Variants in CDKAL1 observed in about 807,000 individuals in gnomAD.
CDKAL1 encodes the protein threonylcarbamoyladenosine tRNA methylthiotransferase.
In CDKAL1, 32 loss-of-function variants were observed where a neutral mutation model predicts 68.2. The ratio of observed to expected loss-of-function variants is 0.47; its 90% CI spans 0.35 to 0.63. CDKAL1 has a LOEUF of 0.63. Among genes scored for constraint, CDKAL1 ranks in the 30% least tolerant of loss-of-function variants. The pLI, the probability that CDKAL1 is intolerant of heterozygous loss-of-function variation, is 0.00. For synonymous variants in CDKAL1, 234 were observed against 244.3 expected (o/e 0.96, Z 0.39); for missense variants, 606 against 696.7 (o/e 0.87, Z 1.47).
At chr6:20,892,568 C>T (rs960814103) in intron 9 of CDKAL1, among the ~76,000 whole-genome samples, 4 of 151,900 alleles carry the variant, frequency 2.6e-5, no homozygotes, top group East Asian at 1.9e-4. Context: ...TGAATTATAC[C>T]GTATTGTATA....
chr6:21,183,141 T>G (rs1438925294), intron 13 of CDKAL1, among the ~76,000 whole-genome samples: 3 of 152,202 alleles, frequency 2.0e-5, no homozygotes, highest in East Asian at 3.9e-4. Context: ...CTCTAGGTTT[T>G]TTTTTTTTTT....
intron 4 of CDKAL1, among the ~76,000 whole-genome samples, chr6:20,565,205 A>G (rs4712506): frequency 0.24 from 35,735 of 152,052 alleles, 5,118 homozygotes; most frequent in East Asian, 0.53. Flanking sequence ...GAAAAAGCAC[A>G]AGACAGTTCC....
chr6:21,134,236 A>G (rs909610924), intron 13 of CDKAL1, among the ~76,000 whole-genome samples: 3 of 152,194 alleles, frequency 2.0e-5, no homozygotes, highest in Non-Finnish European at 2.9e-5. Context: ...CAGGAGCTCA[A>G]ATTCGGTTTT....
chr6:20,573,047 T>C (rs556105288), intron 4 of CDKAL1, among the ~76,000 whole-genome samples: 1 of 152,320 alleles, frequency 6.6e-6, no homozygotes, highest in South Asian at 2.1e-4. Flanking sequence ...CATTTAAGTA[T>C]TAAATTAGCT....
intron 4 of CDKAL1, among the ~76,000 whole-genome samples, chr6:20,602,837 C>T (rs1207572516): frequency 6.6e-6 from 1 of 152,152 alleles, no homozygotes; most frequent in Non-Finnish European, 1.5e-5. Flanking sequence ...CCTCTAATTC[C>T]TTTTAACCAT....
At chr6:20,712,151 C>G (rs984993955) in intron 5 of CDKAL1, among the ~76,000 whole-genome samples, 1 of 152,028 alleles carries the variant, frequency 6.6e-6, no homozygotes. Flanking sequence ...AAGTGATGAG[C>G]TAATCATCTT....
chr6:20,735,497 C>G (rs1424818009), intron 5 of CDKAL1, among the ~76,000 whole-genome samples: 1 of 152,050 alleles, frequency 6.6e-6, no homozygotes, highest in Non-Finnish European at 1.5e-5. Context: ...GAAACGACTC[C>G]TATGATTCAG....
At chr6:20,822,755 C>T (rs1777339379) in intron 8 of CDKAL1, among the ~76,000 whole-genome samples, 1 of 152,188 alleles carries the variant, frequency 6.6e-6, no homozygotes, top group African/African-American at 2.4e-5. Context: ...CAGCCCTTCT[C>T]CTTCCTGCTG....
intron 9 of CDKAL1, among the ~76,000 whole-genome samples, chr6:20,947,159 G>A (rs1048372956): frequency 2.0e-5 from 3 of 152,090 alleles, no homozygotes; most frequent in African/African-American, 7.2e-5. Context: ...CTATATACCT[G>A]ATATACCTTC....
intron 8 of CDKAL1, among the ~76,000 whole-genome samples, chr6:20,825,126 C>CT (rs11404073): frequency 0.31 from 46,892 of 151,942 alleles, 7,553 homozygotes; most frequent in East Asian, 0.53. Flanking sequence ...ATCTTTAACT[C>CT]TTCCCTTACA....
At chr6:21,008,257 A>T (rs1767834999) in intron 11 of CDKAL1, among the ~76,000 whole-genome samples, 1 of 152,186 alleles carries the variant, frequency 6.6e-6, no homozygotes, top group Non-Finnish European at 1.5e-5. Context: ...GGGAGTAATC[A>T]GCATTTGAGT....
At chr6:20,864,104 C>T (rs1759781996) in intron 9 of CDKAL1, among the ~76,000 whole-genome samples, 1 of 152,094 alleles carries the variant, frequency 6.6e-6, no homozygotes, top group African/African-American at 2.4e-5. Flanking sequence ...CGTATTAGCC[C>T]AGCATTTGAA....
intron 8 of CDKAL1, among the ~76,000 whole-genome samples, chr6:20,797,877 C>T (rs758527027): frequency 6.7e-5 from 10 of 150,354 alleles, no homozygotes; most frequent in South Asian, 6.3e-4. Context: ...AGTATAGTGG[C>T]GCAACCACGG....
intron 10 of CDKAL1, among the ~76,000 whole-genome samples, chr6:20,970,880 C>T (rs758436495): frequency 8.5e-5 from 13 of 152,294 alleles, no homozygotes; most frequent in South Asian, 2.1e-4. Context: ...GACCAAGTCT[C>T]GCTCTGTCAC....
chr6:20,787,666 T>G (rs1775732398), intron 8 of CDKAL1, among the ~76,000 whole-genome samples: 1 of 152,190 alleles, frequency 6.6e-6, no homozygotes, highest in Non-Finnish European at 1.5e-5. Flanking sequence ...CAGAATTCCT[T>G]ACCTAGTGTC....
intron 13 of CDKAL1, among the ~76,000 whole-genome samples, chr6:21,190,310 A>C (rs1274296583): frequency 6.6e-6 from 1 of 152,218 alleles, no homozygotes; most frequent in Admixed American, 6.5e-5. Flanking sequence ...GATAAAATTC[A>C]AGTTTATTAG....
rs543714505 is a variant in CDKAL1 at position 21,001,111 on chromosome 6, C to G, written c.1055+739C>G. Among the ~76,000 whole-genome samples the G allele has an allele frequency of 3.9e-5, 6 of 152,378 alleles. No individual in the cohort carries two copies. In the East Asian group the frequency reaches 1.2e-3, roughly 29 times the overall value. On this transcript the variant is annotated intron_variant, in intron 11 of 15. Coordinates refer to ENST00000274695, the MANE Select transcript of CDKAL1 (RefSeq NM_017774.3). ...ACAGAGCCTTCTCAAGTCTACATCACTGTTCTCCCCTCTGGGGATATGTCA... is the reference window on the plus strand; with the variant it reads ...ACAGAGCCTTCTCAAGTCTACATCAGTGTTCTCCCCTCTGGGGATATGTCA...
chr6:21,009,183 T>G (rs375468563), intron 11 of CDKAL1, among the ~76,000 whole-genome samples: 12 of 152,234 alleles, frequency 7.9e-5, no homozygotes, highest in Non-Finnish European at 1.6e-4. Context: ...GAAGTCACAG[T>G]GCTAATAATT....
At chr6:21,205,719 G>C (rs1416146022) in intron 15 of CDKAL1, among the ~76,000 whole-genome samples, 2 of 149,884 alleles carry the variant, frequency 1.3e-5, no homozygotes, top group Non-Finnish European at 3.0e-5. Context: ...TTTTAGTAGA[G>C]ACGGGGTTTC....
Sources: allele counts gnomAD v4.1 joint callset (sites outside exome capture counted in the v4.1 genomes callset), GRCh38; gene constraint gnomAD v4.1.1; transcripts MANE v1.5; gene names NCBI Gene and HGNC (gene_info 2026-07-23, HGNC 2026-07-21).